Variants in EPHA4 observed in about 807,000 individuals in gnomAD.
The protein encoded by EPHA4 is EPH receptor A4, also known as ephrin type-A receptor 4.
Under a neutral mutation model 108.3 loss-of-function variants are expected in EPHA4, and 19 were observed. The ratio of observed to expected loss-of-function variants is 0.18; its 90% CI spans 0.12 to 0.26. The LOEUF (loss-of-function observed/expected upper bound fraction) is 0.26. Ranked by LOEUF, EPHA4 falls within the 10% of genes least tolerant of loss-of-function variation. The pLI, the probability that EPHA4 is intolerant of heterozygous loss-of-function variation, is 1.00. For synonymous variants in EPHA4, 449 were observed against 455.5 expected (o/e 0.99, Z 0.18); for missense variants, 917 against 1,254.0 (o/e 0.73, Z 4.06).
chr2:221,462,531 T>G (rs1691180545), intron 5 of EPHA4, among the ~76,000 whole-genome samples: 3 of 152,126 alleles, frequency 2.0e-5, no homozygotes, highest in Admixed American at 2.0e-4. Flanking sequence ...ATATTAAAAT[T>G]TATCTAAAAA....
intron 2 of EPHA4, among the ~76,000 whole-genome samples, chr2:221,566,836 A>G (rs201430484): frequency 3.3e-4 from 32 of 96,904 alleles, no homozygotes; most frequent in African/African-American, 1.2e-3. Flanking sequence ...GGAGAAGGAG[A>G]AGAAGGAGAA....
chr2:221,568,582 G>A (rs186681894), intron 2 of EPHA4, 136 bp downstream of exon 2: 18 of 598,012 alleles, frequency 3.0e-5, no homozygotes, highest in Non-Finnish European at 4.3e-5. Context: ...CCAACAAAGC[G>A]TAATTCACTT....
rs539513752 is a variant in EPHA4 at position 221,468,376 on chromosome 2, G to A, written c.1319-10386C>T. On this transcript the variant is annotated intron_variant, in intron 5 of 17. Coordinates refer to ENST00000281821, the MANE Select transcript of EPHA4 (RefSeq NM_004438.5). ...CAGAATACAGAAAAGAGAAAGGAAAGGATTAGCTGCTATGCATCAAGGCTT... is the reference window on the plus strand; with the variant it reads ...CAGAATACAGAAAAGAGAAAGGAAAAGATTAGCTGCTATGCATCAAGGCTT... 2.0e-5 allele frequency among the ~76,000 whole-genome samples: 3 copies of A among 152,318 alleles called. No homozygotes were observed. In the South Asian group the frequency reaches 6.2e-4, roughly 32 times the overall value.
chr2:221,522,104 T>C (rs542930272), intron 3 of EPHA4, among the ~76,000 whole-genome samples: 3 of 152,352 alleles, frequency 2.0e-5, no homozygotes, highest in South Asian at 4.1e-4. Context: ...ACTTCAAATA[T>C]GCATTCTCAT....
chr2:221,439,941 A>T (rs986328439), intron 11 of EPHA4, among the ~76,000 whole-genome samples: 1 of 152,024 alleles, frequency 6.6e-6, no homozygotes, highest in Non-Finnish European at 1.5e-5. Flanking sequence ...TCACCCTCAC[A>T]CCTCCCTAGT....
At chr2:221,508,284 C>A in intron 3 of EPHA4, among the ~76,000 whole-genome samples, 1 of 152,144 alleles carries the variant, frequency 6.6e-6, no homozygotes. Context: ...TGCCAGAAAT[C>A]TGACATGTTT....
At chr2:221,521,984 T>TA (rs1693179145) in intron 3 of EPHA4, among the ~76,000 whole-genome samples, 1 of 151,370 alleles carries the variant, frequency 6.6e-6, no homozygotes, top group Non-Finnish European at 1.5e-5. Flanking sequence ...CTCAATAAAT[T>TA]AAAAACAAAC....
intron 3 of EPHA4, among the ~76,000 whole-genome samples, chr2:221,529,359 C>A (rs963631555): frequency 2.0e-5 from 3 of 152,110 alleles, no homozygotes; most frequent in African/African-American, 7.2e-5. Context: ...AGGAGGGAAA[C>A]TGAGTAGACA....
intron 9 of EPHA4, among the ~76,000 whole-genome samples, chr2:221,444,469 T>C (rs1690526342): frequency 6.6e-6 from 1 of 152,202 alleles, no homozygotes; most frequent in Admixed American, 6.5e-5. Context: ...TCCCTTCGAC[T>C]TTCCAAGCCT....
chr2:221,450,863 G>A (rs1036579428), intron 8 of EPHA4, among the ~76,000 whole-genome samples: 3 of 152,076 alleles, frequency 2.0e-5, no homozygotes, highest in East Asian at 3.9e-4. Context: ...AAGAAATAGG[G>A]GCTATTCTTG....
intron 4 of EPHA4, 91 bp downstream of exon 4, chr2:221,500,926 G>A: frequency 7.5e-7 from 1 of 1,336,504 alleles, no homozygotes; most frequent in Non-Finnish European, 1.0e-6. Flanking sequence ...CCCCCTGAAT[G>A]ATTATCCCAG....
chr2:221,476,291 C>T (rs11683287), intron 5 of EPHA4, among the ~76,000 whole-genome samples: 60 of 152,216 alleles, frequency 3.9e-4, no homozygotes, highest in Non-Finnish European at 5.4e-4. Flanking sequence ...AGGTGCCCCT[C>T]ATACCTAACT....
chr2:221,448,471 C>G (rs908214504), intron 8 of EPHA4, among the ~76,000 whole-genome samples: 4 of 152,174 alleles, frequency 2.6e-5, no homozygotes, highest in Admixed American at 1.3e-4. Flanking sequence ...ATTGAAGTAA[C>G]TAAACAGGTT....
At chr2:221,455,080 T>C (rs1193830625) in intron 8 of EPHA4, among the ~76,000 whole-genome samples, 1 of 152,208 alleles carries the variant, frequency 6.6e-6, no homozygotes, top group Non-Finnish European at 1.5e-5. Context: ...ATCAAAATTC[T>C]CCTGTCAATA....
chr2:221,428,517 C>T (rs1427191420), intron 15 of EPHA4, among the ~76,000 whole-genome samples: 1 of 152,184 alleles, frequency 6.6e-6, no homozygotes, highest in African/African-American at 2.4e-5. Context: ...GGTTGAATGA[C>T]TTATGCTAAC....
At chr2:221,432,987 G>A (rs1456158160) in intron 14 of EPHA4, among the ~76,000 whole-genome samples, 1 of 151,830 alleles carries the variant, frequency 6.6e-6, no homozygotes, top group African/African-American at 2.4e-5. Context: ...ACTATGCCCG[G>A]CTAATTTTTT....
chr2:221,550,558 T>A (rs528126061), intron 3 of EPHA4, among the ~76,000 whole-genome samples: 30 of 152,222 alleles, frequency 2.0e-4, no homozygotes, highest in African/African-American at 7.2e-4. Flanking sequence ...TTGTTGAGAC[T>A]TAGATATATT....
At chr2:221,517,364 C>T (rs1693018869) in intron 3 of EPHA4, among the ~76,000 whole-genome samples, 1 of 152,158 alleles carries the variant, frequency 6.6e-6, no homozygotes, top group Admixed American at 6.5e-5. Flanking sequence ...TCATCCTGAG[C>T]CCACAGGCCC....
chr2:221,508,957 G>C (rs985100683), intron 3 of EPHA4, among the ~76,000 whole-genome samples: 21 of 152,124 alleles, frequency 1.4e-4, no homozygotes, highest in African/African-American at 4.8e-4. Context: ...TTTATTTCAA[G>C]TATTTGTTTA....
Sources: gnomAD v4.1 joint callset for allele counts (sites outside exome capture counted in the v4.1 genomes callset) on GRCh38, gnomAD v4.1.1 for gene constraint, MANE v1.5 for transcripts, NCBI Gene and HGNC (gene_info 2026-07-23, HGNC 2026-07-21) for gene names.